Variants in KCNJ6 observed in about 807,000 individuals in gnomAD.
KCNJ6 encodes the protein potassium inwardly rectifying channel subfamily J member 6.
Under a neutral mutation model 34.2 loss-of-function variants are expected in KCNJ6, and 9 were observed. The ratio of observed to expected loss-of-function variants is 0.26; its 90% CI spans 0.16 to 0.46. The LOEUF (loss-of-function observed/expected upper bound fraction) is 0.46. Among genes scored for constraint, KCNJ6 ranks in the 20% least tolerant of loss-of-function variants. KCNJ6 has a pLI of 1.00. For missense variants in KCNJ6, 236 were observed against 531.3 expected (o/e 0.44, Z 5.46); for synonymous variants, 196 against 207.1 (o/e 0.95, Z 0.46).
chr21:37,709,240 G>C (rs1447886729), intron 3 of KCNJ6, among the ~76,000 whole-genome samples: 1 of 152,216 alleles, frequency 6.6e-6, no homozygotes, highest in Non-Finnish European at 1.5e-5. Context: ...GACTGGGCGC[G>C]GTGGCTCACA....
intron 3 of KCNJ6, among the ~76,000 whole-genome samples, chr21:37,677,891 A>G (rs912927952): frequency 6.7e-5 from 10 of 149,808 alleles, no homozygotes; most frequent in African/African-American, 2.5e-4. Flanking sequence ...CTGTTCACTC[A>G]TTCATACAGC....
At chr21:37,785,198 A>G (rs1019867973) in intron 2 of KCNJ6, among the ~76,000 whole-genome samples, 1 of 152,210 alleles carries the variant, frequency 6.6e-6, no homozygotes, top group Non-Finnish European at 1.5e-5. Flanking sequence ...GCATGGGCCC[A>G]TGAGGATGAG....
intron 2 of KCNJ6, among the ~76,000 whole-genome samples, chr21:37,799,409 A>G (rs1052355359): frequency 2.6e-5 from 4 of 152,200 alleles, no homozygotes; most frequent in Admixed American, 2.6e-4. Flanking sequence ...AGCTGGGGTC[A>G]GGGAGATCTG....
At chr21:37,751,953 C>T (rs1029485735) in intron 2 of KCNJ6, among the ~76,000 whole-genome samples, 3 of 152,152 alleles carry the variant, frequency 2.0e-5, no homozygotes, top group African/African-American at 7.2e-5. Flanking sequence ...GACATTTCCA[C>T]TGGATTAATG....
chr21:37,752,137 C>A lies in KCNJ6; in HGVS notation c.26-37006G>T, dbSNP rs78674472. 4.2e-3 allele frequency among the ~76,000 whole-genome samples: 640 copies of A among 152,216 alleles called. 4 individuals carry two copies. Among genetic ancestry groups the A allele is most frequent in the African/African-American group, 0.014 (572 of 41,516 alleles). On this transcript the variant is annotated intron_variant, in intron 2 of 3. Coordinates refer to ENST00000609713, the MANE Select transcript of KCNJ6 (RefSeq NM_002240.5). ...CAGGAATCTTGGATCTGTCGTTCACCCAGTGGGAGGTGGAGAAGCACTGTA... is the reference window on the plus strand; with the variant it reads ...CAGGAATCTTGGATCTGTCGTTCACACAGTGGGAGGTGGAGAAGCACTGTA...
chr21:37,699,847 C>G (rs555006829), intron 3 of KCNJ6, among the ~76,000 whole-genome samples: 1 of 152,160 alleles, frequency 6.6e-6, no homozygotes, highest in South Asian at 2.1e-4. Flanking sequence ...GGGAGGGGAA[C>G]CTATAGAATA....
intron 1 of KCNJ6, among the ~76,000 whole-genome samples, chr21:37,841,981 G>T (rs2055483080): frequency 6.6e-6 from 1 of 152,220 alleles, no homozygotes; most frequent in Non-Finnish European, 1.5e-5. Flanking sequence ...CTGACATATA[G>T]TGCTCAATTG....
In KCNJ6 at chr21:37,916,102, T is replaced by A. The variant is rs866764829; in HGVS notation, c.-246A>T. On this transcript the variant is annotated 5_prime_UTR_variant, in exon 1 of 4. In the 5' UTR this introduces an upstream ATG that the reference lacks. Transcript: ENST00000609713. The stretch of plus-strand genomic sequence containing the variant: ...CGGCTGCTCCGGCTCCAGGTCCGGC[T>A]TCCCGGCGTCCGCGGGTCTCCACCC... 6.6e-6 allele frequency: 1 copy of A among 152,146 alleles called. No individual in the cohort carries two copies. Among genetic ancestry groups the A allele is most frequent in the Non-Finnish European group, 1.5e-5 (1 of 68,174 alleles). The allele number at this position is 152,146 out of a possible 1,614,324, so 9.4% of individuals were successfully genotyped here. A position where few individuals can be genotyped will look rare whatever the true frequency, so the allele number is the denominator to read the frequency against.
At chr21:37,697,999 T>C (rs1207050093) in intron 3 of KCNJ6, among the ~76,000 whole-genome samples, 1 of 152,072 alleles carries the variant, frequency 6.6e-6, no homozygotes. Context: ...TGGGAGTACT[T>C]TTCACCCAAA....
intron 3 of KCNJ6, among the ~76,000 whole-genome samples, chr21:37,650,978 G>A (rs975859197): frequency 6.6e-6 from 1 of 152,184 alleles, no homozygotes; most frequent in Non-Finnish European, 1.5e-5. Flanking sequence ...CTGTGAGACA[G>A]TTACTATGTT....
chr21:37,803,308 C>G (rs2055278330), intron 2 of KCNJ6, among the ~76,000 whole-genome samples: 1 of 152,106 alleles, frequency 6.6e-6, no homozygotes, highest in South Asian at 2.1e-4. Context: ...AGAGACAGTG[C>G]TGGCCAAGAA....
At chr21:37,885,465 A>G (rs1006470823) in intron 1 of KCNJ6, among the ~76,000 whole-genome samples, 52 of 152,216 alleles carry the variant, frequency 3.4e-4, no homozygotes, top group African/African-American at 1.1e-3. Context: ...AAGATTCCCA[A>G]TGAATTGACT....
intron 2 of KCNJ6, among the ~76,000 whole-genome samples, chr21:37,826,361 C>T (rs1394737231): frequency 1.3e-5 from 2 of 152,092 alleles, no homozygotes; most frequent in African/African-American, 2.4e-5. Context: ...TGGGGCATTT[C>T]AGGTTGAACT....
At chr21:37,653,380 A>G (rs1237284426) in intron 3 of KCNJ6, among the ~76,000 whole-genome samples, 2 of 152,174 alleles carry the variant, frequency 1.3e-5, no homozygotes, top group African/African-American at 2.4e-5. Context: ...GTTGCCATCA[A>G]TGCTGGTGGC....
intron 1 of KCNJ6, among the ~76,000 whole-genome samples, chr21:37,847,748 G>A (rs2055516723): frequency 6.7e-6 from 1 of 150,244 alleles, no homozygotes; most frequent in South Asian, 2.1e-4. Flanking sequence ...GGGAGAGACA[G>A]AGAGAGAGAG....
At chr21:37,744,441 C>G (rs189101054) in intron 2 of KCNJ6, among the ~76,000 whole-genome samples, 2 of 152,138 alleles carry the variant, frequency 1.3e-5, no homozygotes, top group South Asian at 2.1e-4. Context: ...GAGGTCCAGA[C>G]AGAGAAAAGC....
At chr21:37,638,947 C>T (rs1457518644) in intron 3 of KCNJ6, among the ~76,000 whole-genome samples, 1 of 152,240 alleles carries the variant, frequency 6.6e-6, no homozygotes. Context: ...CTTAACTCTA[C>T]TGAGGAATTG....
At chr21:37,760,620 A>G (rs2055056442) in intron 2 of KCNJ6, among the ~76,000 whole-genome samples, 1 of 152,200 alleles carries the variant, frequency 6.6e-6, no homozygotes, top group Non-Finnish European at 1.5e-5. Context: ...AGCTGTCACG[A>G]GCCAGTACCC....
intron 3 of KCNJ6, among the ~76,000 whole-genome samples, chr21:37,686,204 C>T (rs956730044): frequency 3.9e-5 from 6 of 152,130 alleles, no homozygotes; most frequent in African/African-American, 1.4e-4. Context: ...TAATCCTTCT[C>T]TGTGGACAAA....
Sources: allele counts gnomAD v4.1 joint callset (sites outside exome capture counted in the v4.1 genomes callset), GRCh38; gene constraint gnomAD v4.1.1; transcripts MANE v1.5; gene names NCBI Gene and HGNC (gene_info 2026-07-23, HGNC 2026-07-21).